Variants in CNST observed in about 807,000 individuals in gnomAD.
CNST encodes consortin.
A neutral mutation model predicts 72.4 loss-of-function variants in CNST; 39 were observed. That is an observed-to-expected ratio of 0.54 (90% confidence interval 0.42 to 0.70). The LOEUF is 0.70. Ranked by LOEUF, CNST falls within the 30% of genes least tolerant of loss-of-function variation. The pLI, the probability that CNST is intolerant of heterozygous loss-of-function variation, is 0.00. For missense variants in CNST, 871 were observed against 868.5 expected (o/e 1.00, Z -0.04); for synonymous variants, 332 against 320.1 (o/e 1.04, Z -0.40).
chr1:246,597,401 C>T (rs1215475791), intron 2 of CNST, among the ~76,000 whole-genome samples: 4 of 152,184 alleles, frequency 2.6e-5, no homozygotes, highest in Admixed American at 6.5e-5. Flanking sequence ...CTTCCCCAAG[C>T]GGTGGCTACC....
At chr1:246,576,685 G>T (rs890619737) in intron 1 of CNST, among the ~76,000 whole-genome samples, 1 of 151,640 alleles carries the variant, frequency 6.6e-6, no homozygotes. Flanking sequence ...ATAGAGACGG[G>T]ATTTTTCCAT....
chr1:246,591,547 A>C lies in CNST; in HGVS notation c.-16A>C. The stretch of plus-strand genomic sequence containing the variant: ...TCTTTAATGTAACTTTAAATGGTTC[A>C]CCAAAGGATGCTCTAATGGATGACA... On this transcript the variant is annotated 5_prime_UTR_variant, in exon 2 of 11. Transcript: ENST00000366513. 1 of 1,613,936 alleles carries C rather than the reference A, an allele frequency of 6.2e-7. No individual in the cohort carries two copies. The highest frequency in any genetic ancestry group is 1.1e-5 in the South Asian group (1 of 91,054).
chr1:246,627,550 A>G (rs1664516675), intron 3 of CNST, among the ~76,000 whole-genome samples: 1 of 152,216 alleles, frequency 6.6e-6, no homozygotes, highest in South Asian at 2.1e-4. Flanking sequence ...GGTGAAGGGA[A>G]TCTAAGCAAA....
intron 2 of CNST, among the ~76,000 whole-genome samples, chr1:246,604,272 AG>A (rs1423418482): frequency 4.6e-5 from 7 of 152,078 alleles, no homozygotes; most frequent in Admixed American, 3.9e-4. Flanking sequence ...GAAAAAAAAA[AG>A]GGGCTTGGTG....
At chr1:246,646,542 G>A (rs972086506) in intron 8 of CNST, among the ~76,000 whole-genome samples, 3 of 152,062 alleles carry the variant, frequency 2.0e-5, no homozygotes, top group African/African-American at 7.2e-5. Flanking sequence ...GTGCAATGGC[G>A]TGATCTCAGG....
chr1:246,612,770 A>T (rs1277349779), intron 2 of CNST, among the ~76,000 whole-genome samples: 3 of 152,050 alleles, frequency 2.0e-5, no homozygotes, highest in Non-Finnish European at 4.4e-5. Flanking sequence ...TTGTTGTCCC[A>T]GCTACTTCAG....
At chr1:246,594,964 C>T (rs1374234883) in intron 2 of CNST, among the ~76,000 whole-genome samples, 1 of 152,150 alleles carries the variant, frequency 6.6e-6, no homozygotes, top group Non-Finnish European at 1.5e-5. Context: ...ATGGTATACT[C>T]TATACTTGAA....
At chr1:246,640,707 T>G (rs1665628539) in intron 6 of CNST, among the ~76,000 whole-genome samples, 1 of 152,208 alleles carries the variant, frequency 6.6e-6, no homozygotes, top group South Asian at 2.1e-4. Flanking sequence ...AGGTAATTGT[T>G]GTGTAGCTCA....
chr1:246,579,104 T>A (rs1243353069), intron 1 of CNST, among the ~76,000 whole-genome samples: 1 of 152,252 alleles, frequency 6.6e-6, no homozygotes, highest in Non-Finnish European at 1.5e-5. Flanking sequence ...ATAAAGTGAT[T>A]TATTTGAGCT....
intron 2 of CNST, among the ~76,000 whole-genome samples, chr1:246,601,930 A>T (rs150301426): frequency 4.6e-5 from 7 of 152,312 alleles, no homozygotes; most frequent in African/African-American, 1.7e-4. Context: ...GTAGGAGATG[A>T]GTTTTGAAGT....
At chr1:246,631,456 TCTG>T (rs1198078735) in intron 3 of CNST, among the ~76,000 whole-genome samples, 2 of 152,264 alleles carry the variant, frequency 1.3e-5, no homozygotes, top group African/African-American at 4.8e-5. Flanking sequence ...TTGACATATT[TCTG>T]CTTTTTCTTT....
intron 2 of CNST, among the ~76,000 whole-genome samples, chr1:246,614,244 G>A (rs967685106): frequency 7.9e-5 from 12 of 152,182 alleles, no homozygotes; most frequent in African/African-American, 2.9e-4. Flanking sequence ...GAGACTGAAG[G>A]TAATTTTATA....
At chr1:246,608,683 G>A (rs1558553956) in intron 2 of CNST, among the ~76,000 whole-genome samples, 1 of 152,212 alleles carries the variant, frequency 6.6e-6, no homozygotes, top group Non-Finnish European at 1.5e-5. Context: ...TAAGCACCAA[G>A]GGATGGGGAG....
chr1:246,639,089 C>T (rs553200894), intron 6 of CNST, among the ~76,000 whole-genome samples: 3 of 152,184 alleles, frequency 2.0e-5, no homozygotes, highest in Non-Finnish European at 2.9e-5. Flanking sequence ...GCAAGCCATC[C>T]GAGAACTGTG....
intron 2 of CNST, among the ~76,000 whole-genome samples, chr1:246,608,702 G>T (rs568951294): frequency 6.6e-6 from 1 of 152,140 alleles, no homozygotes; most frequent in East Asian, 1.9e-4. Context: ...AGCCTTGGCC[G>T]TTAGCAGCCT....
chr1:246,650,119 G>A (rs1221296401), intron 9 of CNST, among the ~76,000 whole-genome samples: 1 of 151,784 alleles, frequency 6.6e-6, no homozygotes, highest in Non-Finnish European at 1.5e-5. Context: ...TGTTTATATT[G>A]GGGAAAAAAT....
At chr1:246,656,144 G>A (rs1225668026) in intron 9 of CNST, among the ~76,000 whole-genome samples, 1 of 152,162 alleles carries the variant, frequency 6.6e-6, no homozygotes, top group African/African-American at 2.4e-5. Flanking sequence ...CCAACCTAGA[G>A]GTTCTGAATT....
At position 246,570,321 on chromosome 1, in the gene CNST, A is replaced by C. The variant is rs1659991024; in HGVS notation, c.-52+3658A>C. ...GTAACTCTAAAGCCAGTTAACCTCC[A>C]TGGGGATCAGTCAGACCCATCATTG... On this transcript the variant is annotated intron_variant, in intron 1 of 10. Transcript: ENST00000366513. Among the ~76,000 whole-genome samples, 4 of 152,218 alleles carry C rather than the reference A, an allele frequency of 2.6e-5. No individual in the cohort carries two copies. The South Asian group carries it at 6.2e-4, about 24-fold the overall frequency.
chr1:246,597,501 G>A (rs764300729), intron 2 of CNST, among the ~76,000 whole-genome samples: 14 of 152,248 alleles, frequency 9.2e-5, no homozygotes, highest in South Asian at 4.1e-4. Flanking sequence ...TTTACTCAGC[G>A]CTAGTCACCA....
Sources: gnomAD v4.1 joint callset for allele counts (sites outside exome capture counted in the v4.1 genomes callset) on GRCh38, gnomAD v4.1.1 for gene constraint, MANE v1.5 for transcripts, NCBI Gene and HGNC (gene_info 2026-07-23, HGNC 2026-07-21) for gene names.